LRP6: variants seen among roughly 807,000 people sequenced by gnomAD.
The protein encoded by LRP6 is low-density lipoprotein receptor-related protein 6.
LRP6 carries 43 observed loss-of-function variants against 184.1 expected under a neutral mutation model. The ratio of observed to expected loss-of-function variants is 0.23; its 90% CI spans 0.18 to 0.30. The LOEUF is 0.30. LRP6 is among the 10% of genes least tolerant of loss of function. The pLI is 1.00. For synonymous variants in LRP6, 719 were observed against 684.9 expected, an observed-to-expected ratio of 1.05 and a Z score of -0.78; for missense variants, 1,571 against 2,005.3, an observed-to-expected ratio of 0.78 and a Z score of 4.14.
rs190797821 is a variant in LRP6 at position 12,264,770 on chromosome 12, G to A, written c.55+1911C>T. Among the ~76,000 whole-genome samples, 5 of 152,160 alleles carry A rather than the reference G, an allele frequency of 3.3e-5. No individual in the cohort carries two copies. The East Asian group carries it at 9.6e-4, about 29-fold the overall frequency. ...AAGACAGTTTTACTTCAAATAATAT[G>A]TACTCACAGCTAAGTACAGTACTGT... On this transcript the variant is annotated intron_variant, in intron 1 of 22. Transcript: ENST00000261349.
intron 19 of LRP6, 91 bp from the exon 20 acceptor site, chr12:12,127,012 A>C (rs1949681954): frequency 1.9e-6 from 2 of 1,031,634 alleles, no homozygotes; most frequent in Admixed American, 3.7e-5. Flanking sequence ...ATAGGATGTG[A>C]AGCTATAAGC....
chr12:12,261,343 T>C (rs554905645), intron 1 of LRP6, among the ~76,000 whole-genome samples: 30 of 148,660 alleles, frequency 2.0e-4, no homozygotes, highest in Non-Finnish European at 2.5e-4. Context: ...GCGGAGCTTG[T>C]AGTGAGCTGA....
intron 7 of LRP6, among the ~76,000 whole-genome samples, chr12:12,174,695 T>A (rs796278665): frequency 6.6e-6 from 1 of 152,184 alleles, no homozygotes; most frequent in Non-Finnish European, 1.5e-5. Context: ...CTTATTAGGG[T>A]ATTGATGAAA....
chr12:12,178,320 A>G (rs542196088), intron 7 of LRP6, among the ~76,000 whole-genome samples: 1 of 152,314 alleles, frequency 6.6e-6, no homozygotes, highest in South Asian at 2.1e-4. Context: ...AAATATTCCC[A>G]GTAAGAAACA....
intron 3 of LRP6, among the ~76,000 whole-genome samples, chr12:12,195,793 T>C (rs1189513555): frequency 3.3e-5 from 5 of 152,092 alleles, no homozygotes; most frequent in South Asian, 2.1e-4. Flanking sequence ...ATTTCCTCTA[T>C]GGTTTCCTCT....
At position 12,181,145 on chromosome 12, in the gene LRP6, G is replaced by C; in HGVS notation, c.1271C>G (p.Thr424Ser). Reference sequence around the variant, plus strand: ...GAGCCTTGTCACTTCTATTCGATCAGTGCCAGTGTCTGTCCAATAAAGATT... The same window carrying C: ...GAGCCTTGTCACTTCTATTCGATCACTGCCAGTGTCTGTCCAATAAAGATT... ...ARNLYWTDTGTDRIEVTRLNG... is the reference protein window; with the variant it reads ...ARNLYWTDTGSDRIEVTRLNG... The change falls in exon 6 of 23, where the codon ACT becomes AGT. Residue 424 changes from threonine (T) to serine (S), a missense_variant. This residue lies in a region of LRP6 where 640 missense variants were observed against 851.9 expected (regional missense o/e 0.75). Coordinates refer to ENST00000261349, the MANE Select transcript of LRP6 (RefSeq NM_002336.3). The C allele has an allele frequency of 6.2e-7, 1 of 1,614,064 alleles. No homozygotes were observed. Among genetic ancestry groups the C allele is most frequent in the Non-Finnish European group, 8.5e-7 (1 of 1,179,976 alleles).
rs1312653774 is a variant in LRP6 at position 12,120,291 on chromosome 12, A to G, written c.*835T>C. ...GAATGGAGCTAGAAGAAATATTAAA[A>G]TCAAGTTTAATTTAGAAAATTCCAT... On this transcript the variant is annotated 3_prime_UTR_variant, in exon 23 of 23. Coordinates refer to ENST00000261349, the MANE Select transcript of LRP6 (RefSeq NM_002336.3). The G allele has an allele frequency of 6.6e-6, 1 of 152,004 alleles. No homozygotes were observed. Among genetic ancestry groups the G allele is most frequent in the Non-Finnish European group, 1.5e-5 (1 of 67,992 alleles). 9.4% of individuals were successfully genotyped at this position (152,004 alleles called of 1,614,324 possible). A position where few individuals can be genotyped will look rare whatever the true frequency, so the allele number is the denominator to read the frequency against.
At chr12:12,191,245 C>T (rs1283429814) in intron 3 of LRP6, among the ~76,000 whole-genome samples, 1 of 152,154 alleles carries the variant, frequency 6.6e-6, no homozygotes, top group Non-Finnish European at 1.5e-5. Context: ...CCTTCCCGGG[C>T]TCCCTTCCAG....
At chr12:12,194,006 G>A (rs2137020652) in intron 3 of LRP6, among the ~76,000 whole-genome samples, 1 of 152,096 alleles carries the variant, frequency 6.6e-6, no homozygotes, top group South Asian at 2.1e-4. Flanking sequence ...CGACCAAGTA[G>A]AACTTACCCC....
Position 12,267,005 on chromosome 12 carries a change from C to G in LRP6, c.-270G>C. ...GGCGCCCCGCTTCCCCCGCGCAGCT[C>G]CTCATTCAGCCTCTGCCTCGCGCAG... On this transcript the variant is annotated 5_prime_UTR_variant, in exon 1 of 23. Transcript: ENST00000261349. The G allele has an allele frequency of 2.0e-6, 1 of 512,670 alleles. No individual in the cohort carries two copies. The highest frequency in any genetic ancestry group is 3.4e-6 in the Non-Finnish European group (1 of 293,244). 31.8% of individuals were successfully genotyped at this position (512,670 alleles called of 1,614,324 possible).
chr12:12,196,904 G>A (rs1863777266), intron 3 of LRP6, among the ~76,000 whole-genome samples: 1 of 152,022 alleles, frequency 6.6e-6, no homozygotes, highest in South Asian at 2.1e-4. Flanking sequence ...TCACCACCTA[G>A]ACCCATTCGT....
chr12:12,250,795 G>C (rs955654734), intron 1 of LRP6, among the ~76,000 whole-genome samples: 1 of 151,276 alleles, frequency 6.6e-6, no homozygotes, highest in Non-Finnish European at 1.5e-5. Flanking sequence ...GCTAATTTTT[G>C]TATTTTTAGT....
intron 1 of LRP6, among the ~76,000 whole-genome samples, chr12:12,255,497 C>T (rs1337209592): frequency 6.7e-6 from 1 of 149,526 alleles, no homozygotes; most frequent in Non-Finnish European, 1.5e-5. Flanking sequence ...CCTTCTACTG[C>T]AAAAATCCTT....
At chr12:12,121,537 T>G in intron 22 of LRP6, 117 bp from the exon 23 acceptor site, 1 of 976,646 alleles carries the variant, frequency 1.0e-6, no homozygotes, top group Non-Finnish European at 1.6e-6. Context: ...GCTACTGCAA[T>G]TTAAATTTAC....
At chr12:12,203,472 TAAAG>T in intron 2 of LRP6, 72 bp from the exon 3 acceptor site, 2 of 1,313,378 alleles carry the variant, frequency 1.5e-6, no homozygotes, top group Non-Finnish European at 2.2e-6. Context: ...TTATTACTAT[TAAAG>T]AAAGCTCAGG....
intron 1 of LRP6, among the ~76,000 whole-genome samples, chr12:12,259,867 G>A (rs74061158): frequency 0.03 from 4,589 of 152,202 alleles, 243 homozygotes; most frequent in African/African-American, 0.099. Context: ...AACATGCAAT[G>A]CAGAAACTCA....
chr12:12,222,566 C>CAAAA (rs1219035988), intron 2 of LRP6, among the ~76,000 whole-genome samples: 5 of 134,964 alleles, frequency 3.7e-5, no homozygotes, highest in Non-Finnish European at 3.2e-5. Flanking sequence ...GACTCCGTCT[C>CAAAA]AAAAAAAAAA....
chr12:12,184,175 A>G lies in LRP6; in HGVS notation c.845-64T>C, dbSNP rs546829303. Reference sequence around the variant, plus strand: ...ACTAAGTACACAAAGGTTAACAACCATAACATGAACAACTGTGATAAGCCA... The same window carrying G: ...ACTAAGTACACAAAGGTTAACAACCGTAACATGAACAACTGTGATAAGCCA... On this transcript the variant is annotated intron_variant, in intron 4 of 22. Transcript: ENST00000261349. 70 of 1,489,958 alleles carry G rather than the reference A, an allele frequency of 4.7e-5. No individual in the cohort carries two copies. The African/African-American group carries it at 8.7e-4, about 19-fold the overall frequency. The allele number at this position is 1,489,958 out of a possible 1,614,324, so 92.3% of individuals were successfully genotyped here.
In LRP6 at chr12:12,130,772, G is replaced by C; in HGVS notation, c.4081+11C>G. On this transcript the variant is annotated intron_variant, in intron 19 of 22. Coordinates refer to ENST00000261349, the MANE Select transcript of LRP6 (RefSeq NM_002336.3). ...TGTTAAGAGTAATTTATAGATCTCA[G>C]TCCTACTTACAACAATCCAGTTCAT... is the stretch of plus-strand genomic sequence containing the variant. The C allele has an allele frequency of 6.5e-7, 1 of 1,528,484 alleles. No homozygotes were observed. Among genetic ancestry groups the C allele is most frequent in the Non-Finnish European group, 9.1e-7 (1 of 1,101,920 alleles). The allele number at this position is 1,528,484 out of a possible 1,614,324, so 94.7% of individuals were successfully genotyped here. A position where few individuals can be genotyped will look rare whatever the true frequency, so the allele number is the denominator to read the frequency against.
Sources: allele counts gnomAD v4.1 joint callset (sites outside exome capture counted in the v4.1 genomes callset), GRCh38; gene constraint gnomAD v4.1.1; regional missense constraint gnomAD v4.1.1; transcripts MANE v1.5; gene names NCBI Gene and HGNC (gene_info 2026-07-23, HGNC 2026-07-21).